MSRA: variants seen among roughly 807,000 people sequenced by gnomAD.
The protein encoded by MSRA is methionine sulfoxide reductase A, also known as mitochondrial peptide methionine sulfoxide reductase.
MSRA carries 54 observed loss-of-function variants against 31.3 expected under a neutral mutation model. That is an observed-to-expected ratio of 1.73 (90% CI 1.39 to 2.17). The LOEUF is 2.17. Ranked by LOEUF, MSRA falls within the 30% of genes most tolerant of loss-of-function variation. MSRA has a pLI of 0.00. For missense variants in MSRA, 507 were observed against 300.9 expected (o/e 1.69, Z -5.07); for synonymous variants, 169 against 116.5 (o/e 1.45, Z -2.90).
intron 2 of MSRA, among the ~76,000 whole-genome samples, chr8:10,211,712 G>A (rs1016161972): frequency 4.6e-5 from 7 of 152,016 alleles, no homozygotes; most frequent in Non-Finnish European, 7.4e-5. Flanking sequence ...GCTTCCTCAG[G>A]TATGAGAACA....
intron 2 of MSRA, among the ~76,000 whole-genome samples, chr8:10,236,727 G>T (rs1342766138): frequency 1.3e-5 from 2 of 152,122 alleles, no homozygotes; most frequent in African/African-American, 2.4e-5. Flanking sequence ...GTATTTTTTA[G>T]TAGAGATGGG....
In MSRA at chr8:10,428,466, G is replaced by C; in HGVS notation, c.*154G>C. 1 of 766,882 alleles carries C rather than the reference G, an allele frequency of 1.3e-6. No individual in the cohort carries two copies. Among genetic ancestry groups the C allele is most frequent in the Non-Finnish European group, 2.1e-6 (1 of 482,586 alleles). The allele number at this position is 766,882 out of a possible 1,614,324, so 47.5% of individuals were successfully genotyped here. ...TTTACCGAAGTATAATCTATAGGAG[G>C]CGCGATGGCAAGTTGATAAAATGTG... is the stretch of plus-strand genomic sequence containing the variant. On this transcript the variant is annotated 3_prime_UTR_variant, in exon 6 of 6. Transcript: ENST00000317173.
intron 5 of MSRA, among the ~76,000 whole-genome samples, chr8:10,323,760 G>GTGTGTGTGTGTC (rs1442823751): frequency 2.0e-5 from 3 of 151,408 alleles, no homozygotes; most frequent in African/African-American, 7.3e-5. Flanking sequence ...GTGTGTGTGT[G>GTGTGTGTGTGTC]TGTGTGTGTG....
chr8:10,137,847 C>A (rs1056873341), intron 1 of MSRA, among the ~76,000 whole-genome samples: 3 of 152,080 alleles, frequency 2.0e-5, no homozygotes, highest in Admixed American at 2.0e-4. Context: ...TAAGTAAATA[C>A]AAAGTTTTAT....
chr8:10,237,060 A>C (rs1203538925), intron 2 of MSRA, among the ~76,000 whole-genome samples: 1 of 152,208 alleles, frequency 6.6e-6, no homozygotes, highest in African/African-American at 2.4e-5. Context: ...TCTAGAATAA[A>C]ATATGAGTTA....
At chr8:10,418,141 T>C (rs1207846557) in intron 5 of MSRA, among the ~76,000 whole-genome samples, 3 of 152,058 alleles carry the variant, frequency 2.0e-5, no homozygotes, top group South Asian at 2.1e-4. Flanking sequence ...CAAAATGAAA[T>C]ACACATATAC....
intron 1 of MSRA, among the ~76,000 whole-genome samples, chr8:10,150,801 G>A (rs1437853333): frequency 6.6e-6 from 1 of 152,168 alleles, no homozygotes; most frequent in Non-Finnish European, 1.5e-5. Flanking sequence ...TTCAGCTCCT[G>A]CATGTCCCTT....
intron 1 of MSRA, among the ~76,000 whole-genome samples, chr8:10,072,448 C>A (rs1302273434): frequency 1.3e-5 from 2 of 152,060 alleles, no homozygotes; most frequent in Non-Finnish European, 2.9e-5. Context: ...GGTCCTTACT[C>A]CCTCCCGTTG....
At chr8:10,324,097 C>T (rs1386734127) in intron 5 of MSRA, among the ~76,000 whole-genome samples, 1 of 152,206 alleles carries the variant, frequency 6.6e-6, no homozygotes, top group Non-Finnish European at 1.5e-5. Context: ...CACCACTCGC[C>T]TTTCCGCCAT....
At chr8:10,180,782 C>T (rs919575562) in intron 1 of MSRA, among the ~76,000 whole-genome samples, 1 of 152,152 alleles carries the variant, frequency 6.6e-6, no homozygotes, top group African/African-American at 2.4e-5. Context: ...GTTTAGTTTA[C>T]TTCAGTTGTT....
chr8:10,295,832 A>G (rs984346889), intron 3 of MSRA, among the ~76,000 whole-genome samples: 3 of 152,184 alleles, frequency 2.0e-5, no homozygotes, highest in Non-Finnish European at 4.4e-5. Flanking sequence ...CTGGTGGACA[A>G]AGGTTCTTGT....
chr8:10,167,980 G>A (rs1805286771), intron 1 of MSRA, among the ~76,000 whole-genome samples: 1 of 152,128 alleles, frequency 6.6e-6, no homozygotes, highest in African/African-American at 2.4e-5. Context: ...TTAGGACTTG[G>A]GCATGGCACT....
intron 1 of MSRA, among the ~76,000 whole-genome samples, chr8:10,107,697 C>T (rs1799986843): frequency 6.6e-6 from 1 of 152,196 alleles, no homozygotes; most frequent in South Asian, 2.1e-4. Flanking sequence ...GAGCTTTCGT[C>T]ATTTTCTTAA....
intron 1 of MSRA, among the ~76,000 whole-genome samples, chr8:10,183,329 C>T (rs948121555): frequency 6.6e-6 from 1 of 152,184 alleles, no homozygotes; most frequent in South Asian, 2.1e-4. Flanking sequence ...TGCAATGTGT[C>T]ATCTGGTACT....
At position 10,230,997 on chromosome 8, in the gene MSRA, C is replaced by T. The variant is rs975086114; in HGVS notation, c.212-14107C>T. ...ATAGGGTTTCACCGTGTTGGCCAGG[C>T]GAGTCTCGAACTCTTGACCTCAGGT... On this transcript the variant is annotated intron_variant, in intron 2 of 5. Transcript: ENST00000317173. 3.3e-5 allele frequency among the ~76,000 whole-genome samples: 5 copies of T among 152,302 alleles called. No individual in the cohort carries two copies. The East Asian group carries it at 5.8e-4, about 18-fold the overall frequency.
chr8:10,266,943 A>C (rs751171555), intron 3 of MSRA, among the ~76,000 whole-genome samples: 1 of 152,226 alleles, frequency 6.6e-6, no homozygotes, highest in Non-Finnish European at 1.5e-5. Flanking sequence ...AGTTTTCATA[A>C]TACATTTAAT....
chr8:10,288,637 G>T (rs1800065138), intron 3 of MSRA, among the ~76,000 whole-genome samples: 1 of 152,032 alleles, frequency 6.6e-6, no homozygotes, highest in South Asian at 2.1e-4. Flanking sequence ...GTTTCAGTGT[G>T]GGTCTGAGTT....
In MSRA at chr8:10,117,402, C is replaced by T. The variant is rs920192320; in HGVS notation, c.142+62744C>T. Among the ~76,000 whole-genome samples, 3 of 152,336 alleles carry T rather than the reference C, an allele frequency of 2.0e-5. No individual in the cohort carries two copies. In the East Asian group the frequency reaches 5.8e-4, roughly 29 times the overall value. On this transcript the variant is annotated intron_variant, in intron 1 of 5. Transcript: ENST00000317173. ...GACTGGGTCTGCCAGGTGCCCTGATCCAGCTCTCTGGTCAGCCGCATTCTG... is the reference window on the plus strand; with the variant it reads ...GACTGGGTCTGCCAGGTGCCCTGATTCAGCTCTCTGGTCAGCCGCATTCTG...
chr8:10,319,519 C>G (rs1339030655), intron 4 of MSRA, among the ~76,000 whole-genome samples: 2 of 151,992 alleles, frequency 1.3e-5, no homozygotes, highest in Non-Finnish European at 2.9e-5. Context: ...CAGGTATCTC[C>G]TTAGGACCCA....
Sources: allele counts gnomAD v4.1 joint callset (sites outside exome capture counted in the v4.1 genomes callset), GRCh38; gene constraint gnomAD v4.1.1; transcripts MANE v1.5; gene names NCBI Gene and HGNC (gene_info 2026-07-23, HGNC 2026-07-21).